Variants in EBF3 observed in about 807,000 individuals in gnomAD.
The protein encoded by EBF3 is transcription factor COE3.
Under a neutral mutation model 77.1 loss-of-function variants are expected in EBF3, and 18 were observed. The ratio of observed to expected loss-of-function variants is 0.23; its 90% CI spans 0.16 to 0.35. EBF3 has a LOEUF of 0.35. Ranked by LOEUF, EBF3 falls within the 10% of genes least tolerant of loss-of-function variation. The probability of loss-of-function intolerance (pLI) is 1.00; values close to 1 mark genes in which losing one functional copy is unlikely to be tolerated. For synonymous variants in EBF3, 350 were observed against 343.5 expected (o/e 1.02, Z -0.21); for missense variants, 558 against 860.0 (o/e 0.65, Z 4.39).
intron 6 of EBF3, among the ~76,000 whole-genome samples, chr10:129,945,394 G>A (rs188182241): frequency 6.6e-5 from 10 of 152,244 alleles, no homozygotes; most frequent in Admixed American, 3.3e-4. Context: ...ATTCAGGCCC[G>A]TTTAAAGCAT....
chr10:129,859,081 C>T (rs1174640674), intron 10 of EBF3, among the ~76,000 whole-genome samples: 1 of 152,148 alleles, frequency 6.6e-6, no homozygotes, highest in African/African-American at 2.4e-5. Context: ...TCCATGTGCT[C>T]GTGAAAAGCA....
At chr10:129,843,997 C>G (rs1453564251) in intron 11 of EBF3, among the ~76,000 whole-genome samples, 1 of 152,228 alleles carries the variant, frequency 6.6e-6, no homozygotes, top group East Asian at 1.9e-4. Flanking sequence ...TACGTTTTAA[C>G]TTTCTCTACC....
intron 6 of EBF3, among the ~76,000 whole-genome samples, chr10:129,908,286 G>A (rs149220381): frequency 7.9e-5 from 12 of 152,268 alleles, no homozygotes; most frequent in Admixed American, 5.9e-4. Flanking sequence ...TTGAAGTAAC[G>A]TGGAAACAAA....
intron 11 of EBF3, among the ~76,000 whole-genome samples, chr10:129,846,177 C>A (rs941325288): frequency 2.0e-5 from 3 of 150,764 alleles, no homozygotes; most frequent in Admixed American, 6.6e-5. Context: ...GCCACTCCCA[C>A]AGGATAAAAT....
At chr10:129,846,006 A>G (rs1850431387) in intron 11 of EBF3, 1 of 149,196 alleles carries the variant, frequency 6.7e-6, no homozygotes, top group South Asian at 2.1e-4. Context: ...AAAAAGAATG[A>G]GAATTCTTTA....
At chr10:129,905,763 C>G (rs56161257) in intron 6 of EBF3, among the ~76,000 whole-genome samples, 140 of 152,302 alleles carry the variant, frequency 9.2e-4, no homozygotes, top group African/African-American at 3.2e-3. Context: ...GTCCTGGGAA[C>G]CCTGGAATTG....
intron 9 of EBF3, 103 bp downstream of exon 9, chr10:129,867,679 G>A (rs1564839801): frequency 6.5e-7 from 1 of 1,545,248 alleles, no homozygotes; most frequent in Non-Finnish European, 8.8e-7. Context: ...GTTAAAAGGG[G>A]AATTTGCCAT....
chr10:129,909,628 A>T (rs1274584298), intron 6 of EBF3, among the ~76,000 whole-genome samples: 1 of 152,186 alleles, frequency 6.6e-6, no homozygotes, highest in Admixed American at 6.5e-5. Context: ...CCTGGAAAAC[A>T]TACCTGGGAA....
intron 6 of EBF3, among the ~76,000 whole-genome samples, chr10:129,889,193 G>A (rs1211536541): frequency 1.3e-5 from 2 of 152,252 alleles, no homozygotes; most frequent in Non-Finnish European, 2.9e-5. Flanking sequence ...AGAGCAGCAT[G>A]TGCCCTGCAG....
At chr10:129,892,758 C>G (rs955386026) in intron 6 of EBF3, among the ~76,000 whole-genome samples, 1 of 152,218 alleles carries the variant, frequency 6.6e-6, no homozygotes, top group African/African-American at 2.4e-5. Context: ...TTTCACTGAG[C>G]AGGGTTAACC....
intron 6 of EBF3, among the ~76,000 whole-genome samples, chr10:129,926,614 G>T (rs1271332979): frequency 1.3e-5 from 2 of 152,194 alleles, no homozygotes; most frequent in Non-Finnish European, 2.9e-5. Flanking sequence ...AGGGGGCTGG[G>T]CAGACTGGAG....
chr10:129,876,885 A>ACGCCCCCCCCC (rs1852810848), intron 7 of EBF3, among the ~76,000 whole-genome samples: 2 of 42,368 alleles, frequency 4.7e-5, no homozygotes, highest in Admixed American at 3.9e-4. Flanking sequence ...TCATCCCTGA[A>ACGCCCCCCCCC]CCCCCCCCCC....
chr10:129,878,846 A>AAAAAAAC (rs1852995949), intron 6 of EBF3, among the ~76,000 whole-genome samples: 1 of 147,806 alleles, frequency 6.8e-6, no homozygotes, highest in Non-Finnish European at 1.5e-5. Flanking sequence ...AAAAAAAAAA[A>AAAAAAAC]TCTAAGAACT....
intron 6 of EBF3, among the ~76,000 whole-genome samples, chr10:129,883,818 G>A (rs1437992059): frequency 1.3e-5 from 2 of 152,156 alleles, no homozygotes; most frequent in Admixed American, 1.3e-4. Context: ...TGGGGGTAAC[G>A]GGGACATTTG....
Position 129,841,145 on chromosome 10 carries a change from T to C in EBF3, c.1373-113A>G. On this transcript the variant is annotated intron_variant, in intron 13 of 16. Transcript: ENST00000440978. This position sits in a 1 kb window ranked among gnomAD's most constrained non-coding sequence, Gnocchi z 4.6. ...TTAACATTGCTAATTGACCCTGTGC[T>C]TTCCACCTGCTCTAGCGCCTGCTGC... 10 of 1,388,168 alleles carry C rather than the reference T, an allele frequency of 7.2e-6. No individual in the cohort carries two copies. In the South Asian group the frequency reaches 9.8e-5, roughly 14 times the overall value. The allele number at this position is 1,388,168 out of a possible 1,614,324, so 86.0% of individuals were successfully genotyped here.
rs1345222988 is a variant in EBF3 at position 129,963,478 on chromosome 10, G to A, written c.180C>T (p.Ser60=). 1.3e-5 allele frequency: 21 copies of A among 1,584,448 alleles called. No homozygotes were observed. The highest frequency in any genetic ancestry group is 1.8e-5 in the Non-Finnish European group (21 of 1,165,426). Residue 60 remains serine (S), a synonymous_variant, in exon 2 of 17, where the codon TCC becomes TCT. Coordinates refer to ENST00000440978, the MANE Select transcript of EBF3 (RefSeq NM_001375380.1). This position sits in a 1 kb window ranked among gnomAD's most constrained non-coding sequence, Gnocchi z 7.1. The stretch of plus-strand genomic sequence containing the variant: ...GGAAGAAATTGGATTTCCGGAGGTT[G>A]GAAGGCGGCTGCTTCTCGAAGTGCG... ...ARAHFEKQPP[S]NLRKSNFFHF...
chr10:129,846,522 CACTT>C (rs747643292), intron 11 of EBF3, among the ~76,000 whole-genome samples: 16 of 151,758 alleles, frequency 1.1e-4, no homozygotes, highest in Admixed American at 3.9e-4. Context: ...CTGCTTGTGA[CACTT>C]ACGGCTGATT....
At position 129,841,791 on chromosome 10, in the gene EBF3, T is replaced by C. The variant is rs1425992903; in HGVS notation, c.1372+325A>G. Among the ~76,000 whole-genome samples, 2 of 152,104 alleles carry C rather than the reference T, an allele frequency of 1.3e-5. No homozygotes were observed. The highest frequency in any genetic ancestry group is 4.8e-5 in the African/African-American group (2 of 41,408). On this transcript the variant is annotated intron_variant, in intron 13 of 16. Transcript: ENST00000440978. This position sits in a 1 kb window ranked among gnomAD's most constrained non-coding sequence, Gnocchi z 4.6. ...CCCTCAGCTCCCTAGGCCATGGCTA[T>C]CCTATGGCTTAGCCCAGACTTCCAA...
chr10:129,898,803 C>CA (rs1271637079), intron 6 of EBF3, among the ~76,000 whole-genome samples: 2 of 152,234 alleles, frequency 1.3e-5, no homozygotes, highest in African/African-American at 4.8e-5. Flanking sequence ...CCTCATTTCT[C>CA]AAAGTGACAG....
Sources: gnomAD v4.1 joint callset for allele counts (sites outside exome capture counted in the v4.1 genomes callset) on GRCh38, gnomAD v4.1.1 for gene constraint, Gnocchi (gnomAD v3.1) non-coding constraint, MANE v1.5 for transcripts, NCBI Gene and HGNC (gene_info 2026-07-23, HGNC 2026-07-21) for gene names.